The following TOGARAM1 variants were observed in gnomAD, a reference collection of about 807,000 sequenced individuals.
TOGARAM1 encodes TOG array regulator of axonemal microtubules 1.
TOGARAM1 carries 100 observed loss-of-function variants against 166.6 expected under a neutral mutation model. The ratio of observed to expected loss-of-function variants is 0.60; its 90% confidence interval spans 0.51 to 0.71. TOGARAM1 has a LOEUF of 0.71. TOGARAM1 is among the 30% of genes least tolerant of loss of function. The pLI is 0.00. For missense variants in TOGARAM1, 2,029 were observed against 2,102.7 expected, an observed-to-expected ratio of 0.96 and a Z score of 0.69; for synonymous variants, 758 against 763.8, an observed-to-expected ratio of 0.99 and a Z score of 0.13.
Position 44,963,330 on chromosome 14 carries a change from G to A in TOGARAM1, c.909G>A (p.Leu303=), listed in dbSNP as rs1342384631. ...QSYISRLPSA[L]RRHYNRRLES... is the part of the protein sequence containing the mutation. ...ACATTTCTCGTCTGCCCTCTGCCCT[G>A]AGGAGACACTACAATCGCCGCCTGG... The change falls in exon 1 of 20, where the codon CTG becomes CTA. Residue 303 remains leucine, a synonymous_variant. Coordinates refer to ENST00000361462, the MANE Select transcript of TOGARAM1 (RefSeq NM_001308120.2). 7.4e-6 allele frequency: 12 copies of A among 1,614,066 alleles called. No homozygotes were observed. The highest frequency in any genetic ancestry group is 1.0e-5 in the Non-Finnish European group (12 of 1,180,032).
At chr14:44,972,133 C>T (rs929861800) in intron 1 of TOGARAM1, among the ~76,000 whole-genome samples, 2 of 152,094 alleles carry the variant, frequency 1.3e-5, no homozygotes, top group Admixed American at 1.3e-4. Context: ...CCCCAGCAAC[C>T]CCTCTTTCAA....
At chr14:45,072,954 A>G (rs1411018407) in intron 19 of TOGARAM1, among the ~76,000 whole-genome samples, 1 of 152,234 alleles carries the variant, frequency 6.6e-6, no homozygotes, top group Non-Finnish European at 1.5e-5. Context: ...TTCTTACAGA[A>G]AACTGCTATT....
Position 45,035,960 on chromosome 14 carries a change from A to AG in TOGARAM1, c.3812+3584_3812+3585insG, listed in dbSNP as rs559113442. Among the ~76,000 whole-genome samples, 7 of 150,640 alleles carry AG rather than the reference A, an allele frequency of 4.6e-5. No individual in the cohort carries two copies. The East Asian group carries it at 1.4e-3, about 29-fold the overall frequency. On this transcript the variant is annotated intron_variant, in intron 11 of 19. Transcript: ENST00000361462. ...GACCTCATCTCTAGAAAAAAAAAAA[A>AG]AAAGAAAGAAAAAAAATTTAAAATC...
chr14:45,052,172 T>C (rs754328188), intron 14 of TOGARAM1, among the ~76,000 whole-genome samples: 3 of 152,220 alleles, frequency 2.0e-5, no homozygotes, highest in Non-Finnish European at 4.4e-5. Context: ...ATTCAAAGTA[T>C]GGTTTCCACA....
intron 10 of TOGARAM1, 50 bp from the exon 11 acceptor site, chr14:45,032,173 T>A (rs1307930394): frequency 1.2e-5 from 19 of 1,542,138 alleles, no homozygotes; most frequent in Non-Finnish European, 1.4e-5. Context: ...AAGATAAAAA[T>A]TTTTTTTAAA....
chr14:44,992,118 A>C (rs989378414), intron 1 of TOGARAM1, among the ~76,000 whole-genome samples: 13 of 150,394 alleles, frequency 8.6e-5, no homozygotes, highest in Non-Finnish European at 1.5e-4. Context: ...CAAAAAAAAA[A>C]CACCAAAAAG....
In TOGARAM1 at chr14:44,962,698, G is replaced by A. The variant is rs1421464055; in HGVS notation, c.277G>A (p.Asp93Asn). The change falls in exon 1 of 20, where the codon GAT becomes AAT. Residue 93 changes from aspartate (D) to asparagine (N), a missense_variant. This residue lies in a region of TOGARAM1 where 1,453 missense variants were observed against 1,432.2 expected (regional missense o/e 1.01). Coordinates refer to ENST00000361462, the MANE Select transcript of TOGARAM1 (RefSeq NM_001308120.2). ...SESGGGLSGG[D>N]EEDTRLLQLL... ...GTCTGGAGGCGGTTTGTCAGGGGGA[G>A]ATGAAGAGGACACTCGGCTCCTTCA... The A allele has an allele frequency of 1.2e-6, 2 of 1,614,064 alleles. No individual in the cohort carries two copies. The highest frequency in any genetic ancestry group is 2.7e-5 in the African/African-American group (2 of 74,932).
chr14:44,980,360 A>G (rs1408506326), intron 1 of TOGARAM1, among the ~76,000 whole-genome samples: 2 of 152,168 alleles, frequency 1.3e-5, no homozygotes, highest in African/African-American at 4.8e-5. Flanking sequence ...GTTTGGAAGG[A>G]TGATTTTTTA....
chr14:45,035,644 T>C (rs976936193), intron 11 of TOGARAM1, among the ~76,000 whole-genome samples: 2 of 151,888 alleles, frequency 1.3e-5, no homozygotes, highest in Admixed American at 1.3e-4. Context: ...AAATTAGGGA[T>C]GGAGAAAATC....
intron 1 of TOGARAM1, among the ~76,000 whole-genome samples, chr14:44,993,711 C>T (rs964350467): frequency 6.6e-6 from 1 of 152,184 alleles, no homozygotes; most frequent in African/African-American, 2.4e-5. Flanking sequence ...CTTTCAGATG[C>T]ACAATCTTCT....
chr14:44,992,146 G>A (rs1422863213), intron 1 of TOGARAM1, among the ~76,000 whole-genome samples: 2 of 149,826 alleles, frequency 1.3e-5, no homozygotes, highest in Non-Finnish European at 3.0e-5. Context: ...CTTATAAGGG[G>A]TTTTAACAGC....
intron 16 of TOGARAM1, among the ~76,000 whole-genome samples, chr14:45,059,886 A>G (rs933431537): frequency 2.6e-5 from 4 of 151,592 alleles, no homozygotes; most frequent in Admixed American, 1.3e-4. Flanking sequence ...CCACATTGAC[A>G]TCACCTAGGA....
Position 44,962,915 on chromosome 14 carries a change from G to C in TOGARAM1, c.494G>C (p.Gly165Ala). The change falls in exon 1 of 20, where the codon GGT becomes GCT. Residue 165 changes from glycine to alanine, a missense_variant. Gly to Ala is a moderately conservative substitution (Grantham distance 60). Transcript: ENST00000361462. ...CAACTTCTCTCGGACGTTCTCCGGG[G>C]TCAGGGGGAGGCAGGCCAGCTTGAA... ...CLQLLSDVLR[G>A]QGEAGQLEEA... 6.2e-7 allele frequency: 1 copy of C among 1,614,190 alleles called. No homozygotes were observed. The highest frequency in any genetic ancestry group is 1.3e-5 in the African/African-American group (1 of 75,056).
chr14:45,014,499 T>C (rs1880001516), intron 7 of TOGARAM1, among the ~76,000 whole-genome samples: 1 of 152,218 alleles, frequency 6.6e-6, no homozygotes, highest in African/African-American at 2.4e-5. Context: ...AATAAGTTGC[T>C]AATGTTTCGG....
rs139878373 is a variant in TOGARAM1 at position 45,017,839 on chromosome 14, G to A, written c.3238+5764G>A. Among the ~76,000 whole-genome samples, 266 of 151,810 alleles carry A rather than the reference G, an allele frequency of 1.8e-3. 3 individuals are homozygous for A. The East Asian group carries it at 0.023, about 13-fold the overall frequency. On this transcript the variant is annotated intron_variant, in intron 7 of 19. Coordinates refer to ENST00000361462, the MANE Select transcript of TOGARAM1 (RefSeq NM_001308120.2). ...GGCGGAGGTTGCAGTGAGCCGAGAT[G>A]GCGCCACTGCACTCCTGGGTGACAA...
At chr14:45,021,841 G>A (rs958249595) in intron 7 of TOGARAM1, among the ~76,000 whole-genome samples, 2 of 152,118 alleles carry the variant, frequency 1.3e-5, no homozygotes, top group African/African-American at 4.8e-5. Flanking sequence ...AGAACTTGCT[G>A]ATATTTGGCT....
chr14:45,053,699 T>C (rs1882493015), intron 15 of TOGARAM1, among the ~76,000 whole-genome samples: 1 of 152,092 alleles, frequency 6.6e-6, no homozygotes, highest in Admixed American at 6.6e-5. Flanking sequence ...TGAAGCAGAT[T>C]GCATCTGTGA....
chr14:44,990,328 C>T (rs72672909), intron 1 of TOGARAM1, among the ~76,000 whole-genome samples: 6,974 of 152,248 alleles, frequency 0.046, 216 homozygotes, highest in Middle Eastern at 0.088. Context: ...CAGCCTTTGC[C>T]AAGAATATAG....
At chr14:45,030,813 G>A (rs777631665) in intron 10 of TOGARAM1, among the ~76,000 whole-genome samples, 1 of 152,080 alleles carries the variant, frequency 6.6e-6, no homozygotes, top group Non-Finnish European at 1.5e-5. Context: ...AATGGTGGCC[G>A]TAGATCTAAG....
Sources: allele counts gnomAD v4.1 joint callset (sites outside exome capture counted in the v4.1 genomes callset), GRCh38; gene constraint gnomAD v4.1.1; regional missense constraint gnomAD v4.1.1; transcripts MANE v1.5; gene names NCBI Gene and HGNC (gene_info 2026-07-23, HGNC 2026-07-21).